TXLNG: variants seen among roughly 807,000 people sequenced by gnomAD.
TXLNG encodes taxilin gamma, also known as gamma-taxilin.
A neutral mutation model predicts 38.8 loss-of-function variants in TXLNG; 5 were observed. That is an observed-to-expected ratio of 0.13 (90% confidence interval 0.07 to 0.27). TXLNG has a LOEUF of 0.27. Among genes scored for constraint, TXLNG ranks in the 10% least tolerant of loss-of-function variants. The pLI is 1.00. For synonymous variants in TXLNG, 182 were observed against 158.2 expected, an observed-to-expected ratio of 1.15 and a Z score of -1.13; for missense variants, 393 against 398.2, an observed-to-expected ratio of 0.99 and a Z score of 0.11.
intron 1 of TXLNG, among the ~76,000 whole-genome samples, chrX:16,814,330 T>C (rs1040826256): frequency 8.9e-6 from 1 of 111,790 alleles, no homozygotes; most frequent in Non-Finnish European, 1.9e-5. Flanking sequence ...ATAGGCAGAC[T>C]CAGCCCGGTG....
At position 16,786,477 on chromosome X, in the gene TXLNG, G is replaced by A. The variant is rs746532521; in HGVS notation, c.-11G>A. ...TTGTCGGGCCGCTTGTTTGGCTGCT[G>A]CCGTCACCTCATGGCGACGCGGGTA... On this transcript the variant is annotated 5_prime_UTR_variant, in exon 1 of 10. Transcript: ENST00000380122. 8 of 1,109,612 alleles carry A rather than the reference G, an allele frequency of 7.2e-6. No individual in the cohort carries two copies. The highest frequency in any genetic ancestry group is 6.4e-5 in the Admixed American group (2 of 31,341). The allele number at this position is 1,109,612 out of a possible 1,213,427, so 91.4% of individuals were successfully genotyped here.
chrX:16,826,801 G>A (rs1162637833), intron 3 of TXLNG, among the ~76,000 whole-genome samples: 1 of 109,637 alleles, frequency 9.1e-6, no homozygotes, highest in Admixed American at 9.7e-5. Context: ...GTGTGGTGGC[G>A]CATGCCTATA....
At chrX:16,839,217 G>A (rs1929706320) in intron 8 of TXLNG, 1 of 111,930 alleles carries the variant, frequency 8.9e-6, no homozygotes, top group South Asian at 3.7e-4. Context: ...TCAGCCTCAC[G>A]AATTGTGAGG....
chrX:16,840,532 G>A, intron 9 of TXLNG: 1 of 645,145 alleles, frequency 1.6e-6, no homozygotes, highest in Non-Finnish European at 1.9e-6. Context: ...CCAGCACTTT[G>A]GGAGGCCGAC....
rs779180594 is a variant in TXLNG at position 16,841,772 on chromosome X, G to C, written c.*6G>C. 2 of 1,200,780 alleles carry C rather than the reference G, an allele frequency of 1.7e-6. No individual in the cohort carries two copies. The highest frequency in any genetic ancestry group is 2.3e-6 in the Non-Finnish European group (2 of 888,862). ...CCATCGAGTCGGTTGACTAAGATGAGGTGTGATCACTGTATTGAGAGATAT... is the reference window on the plus strand; with the variant it reads ...CCATCGAGTCGGTTGACTAAGATGACGTGTGATCACTGTATTGAGAGATAT... On this transcript the variant is annotated 3_prime_UTR_variant, in exon 10 of 10. Transcript: ENST00000380122.
chrX:16,815,076 G>A (rs1928681182), intron 1 of TXLNG, among the ~76,000 whole-genome samples: 1 of 111,823 alleles, frequency 8.9e-6, no homozygotes, highest in Non-Finnish European at 1.9e-5. Flanking sequence ...TTTTGATACG[G>A]CTTGACACCA....
intron 1 of TXLNG, among the ~76,000 whole-genome samples, chrX:16,815,026 A>T (rs1034668212): frequency 3.6e-5 from 4 of 111,958 alleles, no homozygotes; most frequent in Non-Finnish European, 7.5e-5. Context: ...AAAATTATTT[A>T]TGCTTCCCCT....
chrX:16,838,724 C>T (rs1459731133), intron 8 of TXLNG, among the ~76,000 whole-genome samples: 5 of 111,721 alleles, frequency 4.5e-5, no homozygotes, highest in African/African-American at 9.8e-5. Flanking sequence ...ATTGAGGGGG[C>T]GCTGTTAGGC....
intron 3 of TXLNG, among the ~76,000 whole-genome samples, chrX:16,821,881 C>T (rs924306797): frequency 6.4e-5 from 7 of 109,119 alleles, no homozygotes; most frequent in Non-Finnish European, 1.3e-4. Context: ...GTAGTCCCAG[C>T]TACTCGGGAG....
intron 3 of TXLNG, among the ~76,000 whole-genome samples, chrX:16,820,719 C>T (rs774627873): frequency 3.3e-4 from 37 of 112,635 alleles, no homozygotes; most frequent in Non-Finnish European, 5.6e-5. Context: ...ATCCTTTTTT[C>T]CATTTTCTAG....
intron 5 of TXLNG, among the ~76,000 whole-genome samples, chrX:16,830,256 C>A (rs1254181307): frequency 3.7e-5 from 4 of 108,061 alleles, no homozygotes; most frequent in African/African-American, 1.3e-4. Flanking sequence ...TAACCCCTCA[C>A]ACATAAGCCC....
At chrX:16,829,959 G>T (rs761410090) in intron 5 of TXLNG, among the ~76,000 whole-genome samples, 189 bp downstream of exon 5, 18 of 111,728 alleles carry the variant, frequency 1.6e-4, no homozygotes, top group Non-Finnish European at 3.0e-4. Flanking sequence ...GAGTCACTGG[G>T]TTTGGGACTT....
chrX:16,841,950 A>G lies in TXLNG; in HGVS notation c.*184A>G. On this transcript the variant is annotated 3_prime_UTR_variant, in exon 10 of 10. Transcript: ENST00000380122. Reference sequence around the variant, plus strand: ...CAGTTTTGAATAGTTTAATCTATAAATTTTCCTCAGCTGTGTTGCACATCA... The same window carrying G: ...CAGTTTTGAATAGTTTAATCTATAAGTTTTCCTCAGCTGTGTTGCACATCA... 2.1e-6 allele frequency: 1 copy of G among 482,278 alleles called. No individual in the cohort carries two copies. Among genetic ancestry groups the G allele is most frequent in the Non-Finnish European group, 3.4e-6 (1 of 295,154 alleles). The allele number at this position is 482,278 out of a possible 1,213,427, so 39.7% of individuals were successfully genotyped here. A position where few individuals can be genotyped will look rare whatever the true frequency, so the allele number is the denominator to read the frequency against.
At chrX:16,840,758 C>T (rs915666470) in intron 9 of TXLNG, among the ~76,000 whole-genome samples, 6 of 110,265 alleles carry the variant, frequency 5.4e-5, no homozygotes, top group African/African-American at 1.3e-4. Context: ...GGCGACAGAG[C>T]GAGACTGTCT....
At chrX:16,838,499 TTC>T (rs1056580577) in intron 8 of TXLNG, among the ~76,000 whole-genome samples, 2 of 112,196 alleles carry the variant, frequency 1.8e-5, no homozygotes, top group East Asian at 2.8e-4. Context: ...TGTTAAACCT[TTC>T]TGTTCCTTCA....
chrX:16,820,970 C>T (rs986869660), intron 3 of TXLNG, among the ~76,000 whole-genome samples: 3 of 107,989 alleles, frequency 2.8e-5, no homozygotes, highest in South Asian at 4.0e-4. Flanking sequence ...GGGGTTTCAC[C>T]GTGTTAGCCA....
At chrX:16,840,332 T>A in intron 9 of TXLNG, 2 of 443,007 alleles carry the variant, frequency 4.5e-6, no homozygotes, top group Non-Finnish European at 5.6e-6. Context: ...TCCGCCTCTC[T>A]AACAAGCATG....
intron 5 of TXLNG, among the ~76,000 whole-genome samples, 154 bp downstream of exon 5, chrX:16,829,924 A>C (rs1441496710): frequency 9.0e-6 from 1 of 111,290 alleles, no homozygotes; most frequent in Non-Finnish European, 1.9e-5. Context: ...GGCACCACAA[A>C]TGAGATCATC....
chrX:16,794,040 T>C (rs962854724), intron 1 of TXLNG, among the ~76,000 whole-genome samples: 2 of 111,730 alleles, frequency 1.8e-5, no homozygotes, highest in Admixed American at 9.7e-5. Context: ...TATCTACTTA[T>C]GGCGCTAAGA....
Sources: allele counts gnomAD v4.1 joint callset (sites outside exome capture counted in the v4.1 genomes callset), GRCh38; gene constraint gnomAD v4.1.1; transcripts MANE v1.5; gene names NCBI Gene and HGNC (gene_info 2026-07-23, HGNC 2026-07-21).